Variants in NEO1 observed in about 807,000 individuals in gnomAD.
NEO1 encodes neogenin.
In NEO1, 63 loss-of-function variants were observed where a neutral mutation model predicts 159.7. That is an observed-to-expected ratio of 0.39 (90% CI 0.32 to 0.49). The LOEUF is 0.49. Among genes scored for constraint, NEO1 ranks in the 20% least tolerant of loss-of-function variants. The probability of loss-of-function intolerance (pLI) is 0.85; values close to 1 mark genes in which losing one functional copy is unlikely to be tolerated. For synonymous variants in NEO1, 633 were observed against 662.0 expected (o/e 0.96, Z 0.67); for missense variants, 1,615 against 1,831.0 (o/e 0.88, Z 2.15).
At chr15:73,082,631 G>A (rs1009964429) in intron 1 of NEO1, among the ~76,000 whole-genome samples, 3 of 149,896 alleles carry the variant, frequency 2.0e-5, no homozygotes. Context: ...AAAAATATTA[G>A]CAGGCATATT....
At chr15:73,284,111 C>G (rs2041843159) in intron 23 of NEO1, among the ~76,000 whole-genome samples, 1 of 151,974 alleles carries the variant, frequency 6.6e-6, no homozygotes, top group African/African-American at 2.4e-5. Flanking sequence ...TTGAAAGAAT[C>G]CTTGATCCTA....
intron 5 of NEO1, among the ~76,000 whole-genome samples, chr15:73,155,733 C>T (rs776518531): frequency 5.9e-5 from 9 of 152,140 alleles, no homozygotes; most frequent in Non-Finnish European, 1.2e-4. Flanking sequence ...TTCTTCTGTT[C>T]AGGCTTGTCT....
chr15:73,245,535 T>C (rs550704529), intron 9 of NEO1, among the ~76,000 whole-genome samples: 15 of 152,270 alleles, frequency 9.9e-5, no homozygotes, highest in Middle Eastern at 6.8e-3. Flanking sequence ...GTCTAGACTT[T>C]TGCTTTCTTT....
intron 14 of NEO1, 120 bp from the exon 15 acceptor site, chr15:73,260,151 A>G (rs2040556612): frequency 1.3e-6 from 1 of 752,568 alleles, no homozygotes; most frequent in Non-Finnish European, 2.1e-6. Flanking sequence ...ACTCTTGGGC[A>G]TAATGTAAAA....
chr15:73,100,778 G>A (rs1595981838), intron 1 of NEO1, among the ~76,000 whole-genome samples: 1 of 152,088 alleles, frequency 6.6e-6, no homozygotes, highest in Admixed American at 6.5e-5. Context: ...AGTTACCAAC[G>A]TCAGCTGGGC....
chr15:73,210,359 T>C (rs1358071874), intron 7 of NEO1, among the ~76,000 whole-genome samples: 2 of 152,182 alleles, frequency 1.3e-5, no homozygotes, highest in Non-Finnish European at 2.9e-5. Context: ...AGACCAATTT[T>C]CCTTTTGTTC....
At chr15:73,138,629 G>A (rs373568412) in intron 5 of NEO1, among the ~76,000 whole-genome samples, 106 of 152,076 alleles carry the variant, frequency 7.0e-4, no homozygotes, top group African/African-American at 2.5e-3. Context: ...AGTGGCGGCC[G>A]CCTGTAGTCC....
chr15:73,226,298 G>A (rs1198019217), intron 7 of NEO1, among the ~76,000 whole-genome samples: 4 of 152,262 alleles, frequency 2.6e-5, no homozygotes, highest in East Asian at 3.9e-4. Context: ...CGTCCAAGTC[G>A]GAGCTGCAGT....
At chr15:73,195,674 A>G (rs1463150612) in intron 7 of NEO1, among the ~76,000 whole-genome samples, 5 of 152,136 alleles carry the variant, frequency 3.3e-5, no homozygotes, top group Non-Finnish European at 1.5e-5. Context: ...TTCCCCTTAT[A>G]TAGCATGTAT....
At chr15:73,159,357 G>C (rs1352732449) in intron 5 of NEO1, among the ~76,000 whole-genome samples, 1 of 151,608 alleles carries the variant, frequency 6.6e-6, no homozygotes, top group Non-Finnish European at 1.5e-5. Context: ...AAAATAGAAA[G>C]CTAATTTGGT....
At chr15:73,229,033 G>A (rs1228103680) in intron 7 of NEO1, among the ~76,000 whole-genome samples, 1 of 151,844 alleles carries the variant, frequency 6.6e-6, no homozygotes, top group Non-Finnish European at 1.5e-5. Flanking sequence ...AACTTTTTTT[G>A]TTCTTTTTGA....
upstream of NEO1, among the ~76,000 whole-genome samples, chr15:73,052,183 C>T (rs2067465203): frequency 6.8e-6 from 1 of 148,012 alleles, no homozygotes; most frequent in African/African-American, 2.5e-5. Context: ...GGGGAGCGGG[C>T]CCGCCACGGC....
chr15:73,226,881 C>G (rs2038621028), intron 7 of NEO1, among the ~76,000 whole-genome samples: 1 of 152,060 alleles, frequency 6.6e-6, no homozygotes, highest in Admixed American at 6.6e-5. Context: ...GAAAAAGGAA[C>G]AAAATTTGGA....
intron 8 of NEO1, among the ~76,000 whole-genome samples, chr15:73,240,260 A>G (rs1357512994): frequency 6.6e-6 from 1 of 152,162 alleles, no homozygotes; most frequent in Non-Finnish European, 1.5e-5. Context: ...AGACACACTT[A>G]TTTAAATTTT....
chr15:73,094,125 A>T (rs4325518), intron 1 of NEO1, among the ~76,000 whole-genome samples: 20,102 of 152,074 alleles, frequency 0.13, 2,052 homozygotes, highest in African/African-American at 0.28. Context: ...AAAATGTGCA[A>T]CTCAGTAGCT....
At chr15:73,154,374 T>G (rs1336696327) in intron 5 of NEO1, among the ~76,000 whole-genome samples, 1 of 152,238 alleles carries the variant, frequency 6.6e-6, no homozygotes, top group Non-Finnish European at 1.5e-5. Flanking sequence ...CTCTCTTAAT[T>G]ATTTAAAAAT....
chr15:73,094,388 A>G (rs1003826392), intron 1 of NEO1, among the ~76,000 whole-genome samples: 24 of 152,194 alleles, frequency 1.6e-4, no homozygotes, highest in African/African-American at 5.8e-4. Flanking sequence ...TGTAGCTTGT[A>G]TTAGTATTTC....
intron 1 of NEO1, among the ~76,000 whole-genome samples, chr15:73,063,956 G>A (rs528273289): frequency 2.0e-5 from 3 of 152,238 alleles, no homozygotes; most frequent in African/African-American, 4.8e-5. Flanking sequence ...ATGAATCAGC[G>A]ATTTCTCTGG....
chr15:73,277,729 G>C (rs1184770730), intron 21 of NEO1, among the ~76,000 whole-genome samples: 1 of 152,218 alleles, frequency 6.6e-6, no homozygotes, highest in African/African-American at 2.4e-5. Context: ...CCTTGGAAGA[G>C]TATAGTTCTT....
Sources: gnomAD v4.1 joint callset for allele counts (sites outside exome capture counted in the v4.1 genomes callset) on GRCh38, gnomAD v4.1.1 for gene constraint, MANE v1.5 for transcripts, NCBI Gene and HGNC (gene_info 2026-07-23, HGNC 2026-07-21) for gene names.